Variants in SELENOI observed in about 807,000 individuals in gnomAD.
SELENOI encodes ethanolaminephosphotransferase 1.
In SELENOI, 24 loss-of-function variants were observed where a neutral mutation model predicts 50.7. The ratio of observed to expected loss-of-function variants is 0.47; its 90% confidence interval spans 0.34 to 0.67. The LOEUF (loss-of-function observed/expected upper bound fraction) is 0.67, where lower values mean the gene tolerates loss of function less well. Among genes scored for constraint, SELENOI ranks in the 30% least tolerant of loss-of-function variants. The pLI, the probability that SELENOI is intolerant of heterozygous loss-of-function variation, is 0.01. For missense variants in SELENOI, 352 were observed against 461.4 expected (o/e 0.76, Z 2.17); for synonymous variants, 155 against 170.2 (o/e 0.91, Z 0.70).
intron 1 of SELENOI, among the ~76,000 whole-genome samples, chr2:26,358,949 A>AT (rs1450464388): frequency 8.2e-4 from 125 of 152,314 alleles, no homozygotes; most frequent in Non-Finnish European, 1.5e-5. Context: ...ATACCACTTG[A>AT]AATGCTCCTT....
At chr2:26,353,096 C>T (rs1055113084) in intron 1 of SELENOI, among the ~76,000 whole-genome samples, 8 of 152,080 alleles carry the variant, frequency 5.3e-5, no homozygotes, top group African/African-American at 1.7e-4. Flanking sequence ...TAGAGGGCCA[C>T]ATAAAAGACG....
chr2:26,386,948 T>G (rs964906164), intron 9 of SELENOI, among the ~76,000 whole-genome samples: 37 of 152,204 alleles, frequency 2.4e-4, no homozygotes, highest in African/African-American at 8.9e-4. Flanking sequence ...ATTAACAAAA[T>G]TTGGAAAGAA....
intron 3 of SELENOI, among the ~76,000 whole-genome samples, chr2:26,366,518 C>T (rs1459562166): frequency 6.6e-6 from 1 of 152,056 alleles, no homozygotes; most frequent in African/African-American, 2.4e-5. Flanking sequence ...CATCTGTTCC[C>T]AAAATATTTG....
chr2:26,348,658 C>T (rs1385862962), intron 1 of SELENOI, among the ~76,000 whole-genome samples: 1 of 150,008 alleles, frequency 6.7e-6, no homozygotes, highest in South Asian at 2.1e-4. Flanking sequence ...TCTTTTAGGA[C>T]GTGAGCTTTA....
rs565107828 is a variant in SELENOI at position 26,392,288 on chromosome 2, C to T, written c.*3185C>T. 6.6e-6 allele frequency: 1 copy of T among 152,244 alleles called. No homozygotes were observed. Among genetic ancestry groups the T allele is most frequent in the East Asian group, 1.9e-4 (1 of 5,182 alleles). 9.4% of individuals were successfully genotyped at this position (152,244 alleles called of 1,614,324 possible). ...ACTTTAACATCCTATGAATTTGAAA[C>T]ATCCTATGAATTTGAAAGTTTCCTA... On this transcript the variant is annotated 3_prime_UTR_variant, in exon 10 of 10. Coordinates refer to ENST00000260585, the MANE Select transcript of SELENOI (RefSeq NM_033505.4).
chr2:26,381,321 A>G (rs1357302361), intron 6 of SELENOI, among the ~76,000 whole-genome samples: 1 of 147,882 alleles, frequency 6.8e-6, no homozygotes, highest in Non-Finnish European at 1.5e-5. Flanking sequence ...GCGGGTCTAC[A>G]TATATATGGT....
intron 3 of SELENOI, among the ~76,000 whole-genome samples, chr2:26,365,416 C>A (rs1245205996): frequency 6.6e-6 from 1 of 152,186 alleles, no homozygotes; most frequent in Non-Finnish European, 1.5e-5. Context: ...ACTTTTGGAG[C>A]CAGTGGTCAG....
chr2:26,364,385 ATG>A lies in SELENOI; in HGVS notation c.126+17_126+18del. The stretch of plus-strand genomic sequence containing the variant: ...CTATAGTAAAGGTAAGATAATTAAT[ATG>A]TATGTACTTTTTGTTTTAGTAAGTT... On this transcript the variant is annotated intron_variant, in intron 2 of 9. Coordinates refer to ENST00000260585, the MANE Select transcript of SELENOI (RefSeq NM_033505.4). 2 of 1,486,118 alleles carry A rather than the reference ATG, an allele frequency of 1.3e-6. No homozygotes were observed. 92.1% of individuals were successfully genotyped at this position (1,486,118 alleles called of 1,614,324 possible).
chr2:26,373,673 C>T, intron 5 of SELENOI, 44 bp downstream of exon 5: 1 of 1,579,262 alleles, frequency 6.3e-7, no homozygotes, highest in Non-Finnish European at 8.6e-7. Context: ...TACCATGATA[C>T]TTTTGGAAAG....
chr2:26,386,436 T>G lies in SELENOI; in HGVS notation c.995T>G (p.Leu332Ter). 6.2e-7 allele frequency: 1 copy of G among 1,613,990 alleles called. No individual in the cohort carries two copies. The highest frequency in any genetic ancestry group is 8.5e-7 in the Non-Finnish European group (1 of 1,179,888). ...WLLVPLFLVV[L>*]VVNLGVASYV... The stretch of plus-strand genomic sequence containing the variant: ...CTGGTTCCTCTCTTCTTGGTTGTCT[T>G]AGTGGTAAACCTAGGAGTAGCCTCT... Residue 332 changes from leucine (L) to a stop codon, truncating the protein, a stop_gained, in exon 9 of 10, where the codon TTA becomes TGA. Coordinates refer to ENST00000260585, the MANE Select transcript of SELENOI (RefSeq NM_033505.4). LOFTEE classifies it high-confidence loss of function.
At chr2:26,349,200 C>A (rs7571808) in intron 1 of SELENOI, among the ~76,000 whole-genome samples, 83,971 of 150,718 alleles carry the variant, frequency 0.56, 24,928 homozygotes, top group African/African-American at 0.72. Context: ...TTTTTAGTAG[C>A]GGTGCATTTC....
intron 1 of SELENOI, among the ~76,000 whole-genome samples, chr2:26,361,744 C>T (rs1057392819): frequency 2.6e-5 from 4 of 152,062 alleles, no homozygotes; most frequent in Non-Finnish European, 5.9e-5. Flanking sequence ...GCCTGTGCCC[C>T]CTTGGTTCAA....
chr2:26,383,865 C>T (rs1275859700), intron 7 of SELENOI, among the ~76,000 whole-genome samples: 1 of 151,918 alleles, frequency 6.6e-6, no homozygotes, highest in African/African-American at 2.4e-5. Flanking sequence ...CAGAGCGAGA[C>T]TCTGTCTCAA....
chr2:26,352,372 G>T (rs1312492111), intron 1 of SELENOI, among the ~76,000 whole-genome samples: 2 of 152,174 alleles, frequency 1.3e-5, no homozygotes, highest in Non-Finnish European at 2.9e-5. Context: ...GAACTAAGGG[G>T]TGGGGATAAA....
At position 26,364,864 on chromosome 2, in the gene SELENOI, A is replaced by C; in HGVS notation, c.159A>C (p.Ile53=). The C allele has an allele frequency of 6.2e-7, 1 of 1,610,350 alleles. No individual in the cohort carries two copies. Among genetic ancestry groups the C allele is most frequent in the Non-Finnish European group, 8.5e-7 (1 of 1,178,450 alleles). The change falls in exon 3 of 10, where the codon ATA becomes ATC. Residue 53 remains isoleucine, a synonymous_variant. Transcript: ENST00000260585. ...VFPTWLAPNL[I]TFSGFLLVVF... ...CTACTTGGCTGGCGCCCAATCTGATAACTTTTTCTGGCTTTCTGCTGGTCG... is the reference window on the plus strand; with the variant it reads ...CTACTTGGCTGGCGCCCAATCTGATCACTTTTTCTGGCTTTCTGCTGGTCG...
At chr2:26,377,621 G>C (rs919622239) in intron 6 of SELENOI, among the ~76,000 whole-genome samples, 13 of 151,688 alleles carry the variant, frequency 8.6e-5, no homozygotes, top group African/African-American at 2.7e-4. Context: ...AACAGAGTCA[G>C]ACCCTGTCTC....
At chr2:26,372,691 G>A (rs1677483056) in intron 4 of SELENOI, among the ~76,000 whole-genome samples, 1 of 152,082 alleles carries the variant, frequency 6.6e-6, no homozygotes, top group Non-Finnish European at 1.5e-5. Flanking sequence ...GAATTACTAT[G>A]GCATGTTCGC....
In SELENOI at chr2:26,389,343, A is replaced by G. The variant is rs549213197; in HGVS notation, c.*240A>G. On this transcript the variant is annotated 3_prime_UTR_variant, in exon 10 of 10. Transcript: ENST00000260585. ...TGAGCAGAATGTACGTTAGACCAGC[A>G]AAATGTTCCTAATGGTTCTAACTTC... 1.5e-5 allele frequency: 6 copies of G among 394,858 alleles called. No individual in the cohort carries two copies. In the Admixed American group the frequency reaches 2.3e-4, roughly 15 times the overall value. 24.5% of individuals were successfully genotyped at this position (394,858 alleles called of 1,614,324 possible).
At chr2:26,361,810 C>T (rs185110909) in intron 1 of SELENOI, among the ~76,000 whole-genome samples, 16 of 152,226 alleles carry the variant, frequency 1.1e-4, no homozygotes, top group African/African-American at 3.6e-4. Flanking sequence ...TATGCCACCA[C>T]ACCCGACTAA....
Sources: gnomAD v4.1 joint callset for allele counts (sites outside exome capture counted in the v4.1 genomes callset) on GRCh38, gnomAD v4.1.1 for gene constraint, MANE v1.5 for transcripts, NCBI Gene and HGNC (gene_info 2026-07-23, HGNC 2026-07-21) for gene names.